The following NECTIN3 variants were observed in gnomAD, a reference collection of about 807,000 sequenced individuals.
NECTIN3 encodes the protein nectin-3.
A neutral mutation model predicts 49.4 loss-of-function variants in NECTIN3; 8 were observed. The ratio of observed to expected loss-of-function variants is 0.16; its 90% CI spans 0.10 to 0.29. The LOEUF is 0.29. Among genes scored for constraint, NECTIN3 ranks in the 10% least tolerant of loss-of-function variants. The pLI is 1.00. For missense variants in NECTIN3, 581 were observed against 654.6 expected (o/e 0.89, Z 1.23); for synonymous variants, 277 against 241.1 (o/e 1.15, Z -1.38).
intron 1 of NECTIN3, among the ~76,000 whole-genome samples, chr3:111,081,315 A>G (rs577229884): frequency 5.9e-5 from 9 of 152,318 alleles, no homozygotes; most frequent in African/African-American, 2.2e-4. Flanking sequence ...AAACAACAAG[A>G]AAAACCACAA....
intron 1 of NECTIN3, among the ~76,000 whole-genome samples, chr3:111,110,406 A>T (rs1330015534): frequency 6.6e-6 from 1 of 152,056 alleles, no homozygotes; most frequent in Non-Finnish European, 1.5e-5. Context: ...CCTTTTTAAC[A>T]TCGAATAAGA....
In NECTIN3 at chr3:111,136,695, A is replaced by G; in HGVS notation, c.*2480A>G. 1.1e-6 allele frequency: 1 copy of G among 912,486 alleles called. No individual in the cohort carries two copies. The highest frequency in any genetic ancestry group is 1.3e-6 in the Non-Finnish European group (1 of 763,876). 56.5% of individuals were successfully genotyped at this position (912,486 alleles called of 1,614,324 possible). ...ATCGTGAAAAAAAATGAATATTTGT[A>G]CTATTTTTGGCCATATTTATATTTA... On this transcript the variant is annotated 3_prime_UTR_variant, in exon 6 of 6. Transcript: ENST00000485303.
intron 7 of NECTIN3, among the ~76,000 whole-genome samples, chr3:111,163,539 A>C (rs1294332685): frequency 6.6e-6 from 1 of 152,178 alleles, no homozygotes; most frequent in African/African-American, 2.4e-5. Flanking sequence ...AAAAAACTAA[A>C]ATGCTGGGTA....
At chr3:111,143,831 T>G (rs2034809527) in intron 5 of NECTIN3, among the ~76,000 whole-genome samples, 1 of 152,044 alleles carries the variant, frequency 6.6e-6, no homozygotes, top group African/African-American at 2.4e-5. Flanking sequence ...TCTCTACTAT[T>G]CATTGATTGA....
At chr3:111,072,560 A>C (rs2030857940) in intron 1 of NECTIN3, 5 of 1,535,630 alleles carry the variant, frequency 3.3e-6, no homozygotes, top group Non-Finnish European at 3.5e-6. Context: ...TCCCGGTGAA[A>C]CTTGAGCTGT....
chr3:111,092,030 G>A (rs181889330), intron 1 of NECTIN3, among the ~76,000 whole-genome samples: 6 of 152,264 alleles, frequency 3.9e-5, no homozygotes, highest in East Asian at 1.9e-4. Flanking sequence ...TTGCATTACC[G>A]TGATGGCTGA....
At chr3:111,178,745 T>C (rs557668802) in intron 7 of NECTIN3, among the ~76,000 whole-genome samples, 2 of 152,324 alleles carry the variant, frequency 1.3e-5, no homozygotes, top group East Asian at 1.9e-4. Flanking sequence ...TTTAGCCCCT[T>C]TCTGCAAGCA....
intron 1 of NECTIN3, 79 bp downstream of exon 1, chr3:111,072,256 C>A (rs758734036): frequency 3.4e-6 from 5 of 1,477,886 alleles, no homozygotes; most frequent in African/African-American, 2.9e-5. Flanking sequence ...CTCTGCCAGC[C>A]GTTCTCTGGA....
intron 7 of NECTIN3, among the ~76,000 whole-genome samples, chr3:111,168,773 T>C (rs909841685): frequency 3.9e-5 from 6 of 152,328 alleles, no homozygotes; most frequent in Middle Eastern, 3.4e-3. Context: ...TCAAAGCTAA[T>C]CACAATCGAG....
chr3:111,085,324 G>A (rs2031862317), intron 1 of NECTIN3, among the ~76,000 whole-genome samples: 1 of 152,186 alleles, frequency 6.6e-6, no homozygotes, highest in African/African-American at 2.4e-5. Context: ...TTTTAGGCTT[G>A]ATTAAAGTCA....
At chr3:111,072,971 CTG>C (rs1411833622) in intron 1 of NECTIN3, 1 of 153,824 alleles carries the variant, frequency 6.5e-6, no homozygotes, top group Non-Finnish European at 1.4e-5. Flanking sequence ...GAGTTAGTCT[CTG>C]AGTTTTCTTC....
intron 4 of NECTIN3, among the ~76,000 whole-genome samples, chr3:111,125,300 A>G (rs1414186923): frequency 1.3e-5 from 2 of 152,058 alleles, no homozygotes; most frequent in African/African-American, 4.8e-5. Flanking sequence ...AAGTGCTGGG[A>G]TTACAGGTGT....
At chr3:111,166,146 C>T (rs1443347169) in intron 7 of NECTIN3, among the ~76,000 whole-genome samples, 1 of 152,182 alleles carries the variant, frequency 6.6e-6, no homozygotes, top group Non-Finnish European at 1.5e-5. Flanking sequence ...AGTTTCATGT[C>T]AACACATGCT....
At chr3:111,117,131 AAAAAT>A (rs1266586432) in intron 2 of NECTIN3, among the ~76,000 whole-genome samples, 7 of 152,134 alleles carry the variant, frequency 4.6e-5, no homozygotes, top group African/African-American at 1.7e-4. Flanking sequence ...CAAATGATCT[AAAAAT>A]AAAAAAGTAA....
chr3:111,133,899 C>T lies in NECTIN3; in HGVS notation c.1334C>T (p.Pro445Leu). 1 of 1,613,890 alleles carries T rather than the reference C, an allele frequency of 6.2e-7. No individual in the cohort carries two copies. Among genetic ancestry groups the T allele is most frequent in the East Asian group, 2.2e-5 (1 of 44,874 alleles). ...GACTACTTTGCCAAGAACTACATTC[C>T]ACCATCAGATATGCAAAAAGAATCA... ...RGDYFAKNYI[P>L]PSDMQKESQI... Residue 445 changes from proline (P) to leucine (L), a missense_variant, in exon 6 of 6, where the codon CCA becomes CTA. Physicochemically the swap from Pro to Leu is moderately conservative, Grantham distance 98. This residue lies in a region of NECTIN3 where 238 missense variants were observed against 244.9 expected (regional missense o/e 0.97). Coordinates refer to ENST00000485303, the MANE Select transcript of NECTIN3 (RefSeq NM_015480.3).
intron 1 of NECTIN3, among the ~76,000 whole-genome samples, chr3:111,097,789 C>T (rs1280821393): frequency 6.6e-6 from 1 of 152,146 alleles, no homozygotes; most frequent in Non-Finnish European, 1.5e-5. Context: ...CTCCATTAAA[C>T]CTCTTCCCTC....
At chr3:111,155,743 A>G (rs72937940) in intron 7 of NECTIN3, among the ~76,000 whole-genome samples, 10,287 of 152,188 alleles carry the variant, frequency 0.068, 812 homozygotes, top group East Asian at 0.24. Flanking sequence ...AAATTGGTCT[A>G]TATATGGACT....
chr3:111,132,081 C>T (rs774364103), intron 5 of NECTIN3, among the ~76,000 whole-genome samples: 4 of 151,718 alleles, frequency 2.6e-5, no homozygotes, highest in African/African-American at 7.2e-5. Context: ...AGTTGCATTA[C>T]GTGAGACTTT....
intron 7 of NECTIN3, among the ~76,000 whole-genome samples, chr3:111,180,793 T>C (rs2035612219): frequency 6.6e-6 from 1 of 152,332 alleles, no homozygotes; most frequent in East Asian, 1.9e-4. Flanking sequence ...AGGGACAGTC[T>C]GTTGTAAAGT....
Sources: gnomAD v4.1 joint callset for allele counts (sites outside exome capture counted in the v4.1 genomes callset) on GRCh38, gnomAD v4.1.1 for gene constraint, gnomAD v4.1.1 regional missense constraint, MANE v1.5 for transcripts, NCBI Gene and HGNC (gene_info 2026-07-23, HGNC 2026-07-21) for gene names.